Variants in OPHN1 observed in about 807,000 individuals in gnomAD.
The protein encoded by OPHN1 is oligophrenin 1.
Under a neutral mutation model 60.7 loss-of-function variants are expected in OPHN1, and 11 were observed. The observed-to-expected ratio is 0.18, with a 90% CI of 0.11 to 0.30. The LOEUF is 0.30. OPHN1 is among the 10% of genes least tolerant of loss of function. OPHN1 has a pLI of 1.00. For synonymous variants in OPHN1, 226 were observed against 222.6 expected, an observed-to-expected ratio of 1.02 and a Z score of -0.14; for missense variants, 449 against 611.0, an observed-to-expected ratio of 0.73 and a Z score of 2.80.
At chrX:68,274,695 G>A (rs752834552) in intron 5 of OPHN1, 43 bp downstream of exon 5, 8 of 916,853 alleles carry the variant, frequency 8.7e-6, no homozygotes, top group East Asian at 3.1e-5. Flanking sequence ...ACAACTATTC[G>A]ATTGCTATTT....
At chrX:68,433,697 GCCGGC>G, upstream of OPHN1, 1 of 297,532 alleles carries the variant, frequency 3.4e-6, no homozygotes, top group Non-Finnish European at 5.9e-6. Flanking sequence ...GAGCCGGCCG[GCCGGC>G]CGTCCTTTTA....
chrX:68,168,875 C>A (rs2077373960), intron 15 of OPHN1, among the ~76,000 whole-genome samples: 1 of 111,413 alleles, frequency 9.0e-6, no homozygotes, highest in African/African-American at 3.3e-5. Flanking sequence ...ACTACAAACA[C>A]CTCTACGCAA....
chrX:68,091,456 T>C (rs2077017846), intron 19 of OPHN1, among the ~76,000 whole-genome samples: 1 of 110,661 alleles, frequency 9.0e-6, no homozygotes, highest in Non-Finnish European at 1.9e-5. Context: ...ATAAACTAGT[T>C]GGGAAGAACT....
chrX:68,064,040 A>G lies in OPHN1; in HGVS notation c.1972T>C (p.Leu658=). The G allele has an allele frequency of 8.3e-7, 1 of 1,209,765 alleles. No individual in the cohort carries two copies. The highest frequency in any genetic ancestry group is 1.1e-6 in the Non-Finnish European group (1 of 894,941). The change falls in exon 21 of 25, where the codon TTG becomes CTG. Residue 658 remains leucine, a synonymous_variant. Coordinates refer to ENST00000355520, the MANE Select transcript of OPHN1 (RefSeq NM_002547.3). ...GGGCAGGGCTCCAACTTGCCATCCA[A>G]AATAGGCCTGCTTGGGGACTTCCTC... ...PGRKSPSRPI[L]DGKLEPCPEV...
At chrX:68,154,354 G>A (rs1355781607) in intron 15 of OPHN1, among the ~76,000 whole-genome samples, 1 of 112,342 alleles carries the variant, frequency 8.9e-6, no homozygotes, top group Non-Finnish European at 1.9e-5. Flanking sequence ...ATTCAGGCAT[G>A]GTGTTGCCAC....
chrX:68,182,413 G>A (rs1290524756), intron 15 of OPHN1, among the ~76,000 whole-genome samples: 1 of 108,529 alleles, frequency 9.2e-6, no homozygotes, highest in African/African-American at 3.4e-5. Context: ...GGGGAAGGGA[G>A]GAAGGGAGGG....
chrX:68,377,728 G>A (rs1168154959), intron 2 of OPHN1, among the ~76,000 whole-genome samples: 1 of 110,031 alleles, frequency 9.1e-6, no homozygotes, highest in African/African-American at 3.3e-5. Context: ...ATGATTTCCA[G>A]TTTCATCCAT....
intron 20 of OPHN1, among the ~76,000 whole-genome samples, chrX:68,068,236 C>A (rs997384955): frequency 4.5e-5 from 5 of 110,006 alleles, no homozygotes. Context: ...CTTTGGGAGG[C>A]CGAGGTGGGC....
chrX:68,104,228 G>T (rs919868611), intron 18 of OPHN1, among the ~76,000 whole-genome samples: 1 of 111,646 alleles, frequency 9.0e-6, no homozygotes, highest in Non-Finnish European at 1.9e-5. Context: ...TCATGAAAAT[G>T]GCCTTACTGC....
intron 2 of OPHN1, among the ~76,000 whole-genome samples, chrX:68,416,433 C>A (rs899347771): frequency 1.1e-4 from 12 of 110,789 alleles, no homozygotes; most frequent in Admixed American, 4.9e-4. Flanking sequence ...AGTTCGTGAC[C>A]AAATACACAA....
rs189811192 is a variant in OPHN1 at position 68,112,014 on chromosome X, G to A, written c.1421-55C>T. ...TTGGCTTTCTGGGCAACTGGATTGA[G>A]CAAAATTCTCACATATATATGCACA... is the stretch of plus-strand genomic sequence containing the variant. On this transcript the variant is annotated intron_variant, in intron 17 of 24. Transcript: ENST00000355520. 23 of 733,509 alleles carry A rather than the reference G, an allele frequency of 3.1e-5. No homozygotes were observed. In the East Asian group the frequency reaches 7.4e-4, roughly 24 times the overall value. 60.4% of individuals were successfully genotyped at this position (733,509 alleles called of 1,213,427 possible).
chrX:68,210,016 T>A, intron 9 of OPHN1, 137 bp downstream of exon 9: 1 of 611,532 alleles, frequency 1.6e-6, no homozygotes, highest in Non-Finnish European at 2.7e-6. Context: ...GTTTTCAGTA[T>A]TCCCTGCCTG....
intron 18 of OPHN1, among the ~76,000 whole-genome samples, chrX:68,104,359 C>T (rs770737722): frequency 3.6e-5 from 4 of 111,675 alleles, no homozygotes; most frequent in Non-Finnish European, 7.5e-5. Flanking sequence ...ATAGCCAAGA[C>T]AATCCTAAGC....
chrX:68,168,432 A>G (rs1025461625), intron 15 of OPHN1, among the ~76,000 whole-genome samples: 2 of 112,777 alleles, frequency 1.8e-5, no homozygotes, highest in African/African-American at 6.5e-5. Flanking sequence ...GAAGGCAGAA[A>G]TAAAGATGTT....
At chrX:68,168,429 G>A (rs1242313734) in intron 15 of OPHN1, among the ~76,000 whole-genome samples, 1 of 112,471 alleles carries the variant, frequency 8.9e-6, no homozygotes, top group Non-Finnish European at 1.9e-5. Context: ...AATGAAGGCA[G>A]AAATAAAGAT....
At chrX:68,181,814 C>T (rs1396264566) in intron 15 of OPHN1, among the ~76,000 whole-genome samples, 1 of 111,333 alleles carries the variant, frequency 9.0e-6, no homozygotes, top group African/African-American at 3.3e-5. Flanking sequence ...GGCAACAGAG[C>T]AAGACTCCAT....
intron 5 of OPHN1, among the ~76,000 whole-genome samples, chrX:68,238,598 C>G (rs1438338361): frequency 9.0e-6 from 1 of 111,514 alleles, no homozygotes; most frequent in Non-Finnish European, 1.9e-5. Context: ...TAATGTTTTT[C>G]CCAATAGAGA....
At chrX:68,061,369 G>A (rs1390113701) in intron 21 of OPHN1, among the ~76,000 whole-genome samples, 2 of 111,093 alleles carry the variant, frequency 1.8e-5, no homozygotes, top group Non-Finnish European at 3.8e-5. Flanking sequence ...AAGGAGGGCT[G>A]AGTTACTGTG....
intron 5 of OPHN1, among the ~76,000 whole-genome samples, chrX:68,235,213 G>A (rs977318493): frequency 4.5e-5 from 5 of 112,105 alleles, no homozygotes; most frequent in African/African-American, 6.5e-5. Flanking sequence ...TACTCTTCTC[G>A]AGTATGAAAT....
Sources: allele counts gnomAD v4.1 joint callset (sites outside exome capture counted in the v4.1 genomes callset), GRCh38; gene constraint gnomAD v4.1.1; transcripts MANE v1.5; gene names NCBI Gene and HGNC (gene_info 2026-07-23, HGNC 2026-07-21).